Variants in ZNF606 observed in about 807,000 individuals in gnomAD.
ZNF606 encodes the protein zinc finger protein 606.
ZNF606 carries 37 observed loss-of-function variants against 74.9 expected under a neutral mutation model. The ratio of observed to expected loss-of-function variants is 0.49; its 90% CI spans 0.38 to 0.65. ZNF606 has a LOEUF of 0.65. Ranked by LOEUF, ZNF606 falls within the 30% of genes least tolerant of loss-of-function variation. The pLI is 0.00. For synonymous variants in ZNF606, 328 were observed against 312.4 expected (o/e 1.05, Z -0.53); for missense variants, 852 against 952.9 (o/e 0.89, Z 1.39).
intron 4 of ZNF606, chr19:57,999,564 T>C (rs1035522): frequency 0.69 from 354,159 of 514,126 alleles, 122,943 homozygotes; most frequent in Middle Eastern, 0.75. Context: ...AGGGCTGCCC[T>C]TCATGCCCCA....
At chr19:57,992,310 A>G (rs779398551) in intron 4 of ZNF606, among the ~76,000 whole-genome samples, 2 of 152,180 alleles carry the variant, frequency 1.3e-5, no homozygotes, top group Non-Finnish European at 2.9e-5. Flanking sequence ...TGGGACAACC[A>G]GACACCATGT....
At chr19:58,000,812 C>T in intron 2 of ZNF606, 73 bp from the exon 3 acceptor site, 4 of 1,412,418 alleles carry the variant, frequency 2.8e-6, no homozygotes, top group Non-Finnish European at 2.9e-6. Context: ...CAAGAGGAGG[C>T]TGACTCGCTA....
chr19:57,984,953 G>A (rs1368433612), intron 6 of ZNF606, among the ~76,000 whole-genome samples: 1 of 152,134 alleles, frequency 6.6e-6, no homozygotes, highest in Non-Finnish European at 1.5e-5. Context: ...AAATTAGCCA[G>A]GCGTGGTGTC....
intron 4 of ZNF606, 113 bp from the exon 5 acceptor site, chr19:57,988,834 C>T (rs2073206910): frequency 1.3e-6 from 2 of 1,533,406 alleles, no homozygotes; most frequent in Non-Finnish European, 1.8e-6. Flanking sequence ...GAGAAACTCT[C>T]CTGGTTATTC....
Position 57,979,658 on chromosome 19 carries a change from C to G in ZNF606, c.1022G>C (p.Gly341Ala). ...SFNEHPRLHV[G>A]ENQYNYKEYE... ...TTCTTTGTAATTATACTGGTTTTCT[C>G]CAACATGAAGCCTTGGGTGTTCATT... Residue 341 changes from glycine (G) to alanine (A), a missense_variant, in exon 7 of 7, where the codon GGA becomes GCA. Around this residue, in one of 3 missense-constraint regions of ZNF606, gnomAD observed 545 missense variants for 542.5 expected, o/e 1.00. Coordinates refer to ENST00000551380, the MANE Select transcript of ZNF606 (RefSeq NM_001348022.3). 2 of 1,613,654 alleles carry G rather than the reference C, an allele frequency of 1.2e-6. No individual in the cohort carries two copies. The highest frequency in any genetic ancestry group is 2.7e-5 in the African/African-American group (2 of 75,036).
chr19:57,988,184 T>C (rs771820632), intron 6 of ZNF606, 23 bp downstream of exon 6: 4 of 1,598,874 alleles, frequency 2.5e-6, no homozygotes, highest in Non-Finnish European at 2.6e-6. Flanking sequence ...AAGTTCCTTG[T>C]TCAGCCTGGG....
Position 58,000,686 on chromosome 19 carries a change from A to C in ZNF606, c.85T>G (p.Trp29Gly), listed in dbSNP as rs774194580. 4.0e-5 allele frequency: 65 copies of C among 1,613,616 alleles called. No homozygotes were observed. The highest frequency in any genetic ancestry group is 5.3e-5 in the Non-Finnish European group (63 of 1,179,836). Residue 29 changes from tryptophan to glycine, a missense_variant, in exon 3 of 7, where the codon TGG becomes GGG. Trp to Gly is a radical substitution (Grantham distance 184, BLOSUM62 -2). Coordinates refer to ENST00000551380, the MANE Select transcript of ZNF606 (RefSeq NM_001348022.3). ...GMTAVDPWAS[W>G]ALCPQYPAWH... Reference sequence around the variant, plus strand: ...GCTGACCAGGCTCTTGACTCACCCCAGGAGGCCCATGGGTCAACAGCTGTC... The same window carrying C: ...GCTGACCAGGCTCTTGACTCACCCCCGGAGGCCCATGGGTCAACAGCTGTC...
At position 58,002,414 on chromosome 19, in the gene ZNF606, T is replaced by TC. The variant is rs1188599492; in HGVS notation, c.-71dup. Reference sequence around the variant, plus strand: ...GCCTCACCTGGCTCGCGGCCGGCGGTCCCCCTTGAAGGCGGCGCAGCAGGA... The same window carrying TC: ...GCCTCACCTGGCTCGCGGCCGGCGGTCCCCCCTTGAAGGCGGCGCAGCAGGA... On this transcript the variant is annotated 5_prime_UTR_variant, in exon 1 of 7. Coordinates refer to ENST00000551380, the MANE Select transcript of ZNF606 (RefSeq NM_001348022.3). 1 of 456,034 alleles carries TC rather than the reference T, an allele frequency of 2.2e-6. No individual in the cohort carries two copies. Among genetic ancestry groups the TC allele is most frequent in the Non-Finnish European group, 4.4e-6 (1 of 226,762 alleles). The allele number at this position is 456,034 out of a possible 1,614,324, so 28.2% of individuals were successfully genotyped here.
intron 4 of ZNF606, among the ~76,000 whole-genome samples, chr19:57,991,081 T>C (rs537024552): frequency 6.6e-6 from 1 of 152,262 alleles, no homozygotes; most frequent in South Asian, 2.1e-4. Context: ...TCCTGCAAGG[T>C]ACAGTGCACC....
At chr19:57,983,782 C>A (rs898851540) in intron 6 of ZNF606, among the ~76,000 whole-genome samples, 2 of 152,104 alleles carry the variant, frequency 1.3e-5, no homozygotes, top group African/African-American at 2.4e-5. Flanking sequence ...TGAGCAGAGG[C>A]ATGCATGGCG....
rs747583271 is a variant in ZNF606 at position 57,978,269 on chromosome 19, A to C, written c.*32T>G. 3 of 1,525,858 alleles carry C rather than the reference A, an allele frequency of 2.0e-6. No homozygotes were observed. The South Asian group carries it at 4.0e-5, about 20-fold the overall frequency. 94.5% of individuals were successfully genotyped at this position (1,525,858 alleles called of 1,614,324 possible). On this transcript the variant is annotated 3_prime_UTR_variant, in exon 7 of 7. Coordinates refer to ENST00000551380, the MANE Select transcript of ZNF606 (RefSeq NM_001348022.3). This position sits in a 1 kb window ranked among gnomAD's most constrained non-coding sequence, Gnocchi z 4.4. ...ATAGGGTTTTCCTCAATGTGTTGTC[A>C]AATGTACAAGAAACGAAAAACTCGC...
chr19:57,978,897 G>C lies in ZNF606; in HGVS notation c.1783C>G (p.Pro595Ala). 1 of 1,614,112 alleles carries C rather than the reference G, an allele frequency of 6.2e-7. No homozygotes were observed. The highest frequency in any genetic ancestry group is 8.5e-7 in the Non-Finnish European group (1 of 1,180,016). ...TTGCCACATTCCTGACAGTTATATG[G>C]TTTCTCTCCCGTGTGAGTTCTCTGA... is the stretch of plus-strand genomic sequence containing the variant. ...AHQRTHTGEK[P>A]YNCQECGKAF... Residue 595 changes from proline (P) to alanine (A), a missense_variant, in exon 7 of 7, where the codon CCA becomes GCA. This residue lies in a region of ZNF606 where 243 missense variants were observed against 359.2 expected (regional missense o/e 0.68). Coordinates refer to ENST00000551380, the MANE Select transcript of ZNF606 (RefSeq NM_001348022.3). This position sits in a 1 kb window ranked among gnomAD's most constrained non-coding sequence, Gnocchi z 4.4.
rs767105998 is a variant in ZNF606, at chr19:58,002,670, C to A, written c.-326G>T. On this transcript the variant is annotated 5_prime_UTR_variant, in exon 1 of 7. Transcript: ENST00000551380. The stretch of plus-strand genomic sequence containing the variant: ...CGGCAACGACGGCGCAAAGCCGGCG[C>A]GGAAAGGGCAGGCGCAGGACCCACC... The A allele has an allele frequency of 2.4e-5, 11 of 454,072 alleles. No individual in the cohort carries two copies. Among genetic ancestry groups the A allele is most frequent in the South Asian group, 1.7e-4 (11 of 64,468 alleles). The allele number at this position is 454,072 out of a possible 1,614,324, so 28.1% of individuals were successfully genotyped here.
intron 6 of ZNF606, among the ~76,000 whole-genome samples, chr19:57,985,771 CAA>C (rs535640285): frequency 7.1e-6 from 1 of 139,912 alleles, no homozygotes. Context: ...ACTAAAAATA[CAA>C]AAAAAAAAAA....
intron 6 of ZNF606, among the ~76,000 whole-genome samples, chr19:57,982,835 C>A (rs1020315850): frequency 3.3e-5 from 5 of 151,980 alleles, no homozygotes; most frequent in African/African-American, 1.2e-4. Context: ...TTTATAGTGA[C>A]AGGGTCCCGC....
At chr19:57,987,742 C>T (rs896497141) in intron 6 of ZNF606, among the ~76,000 whole-genome samples, 3 of 152,010 alleles carry the variant, frequency 2.0e-5, no homozygotes, top group Non-Finnish European at 4.4e-5. Context: ...GTGGGAGAAT[C>T]GCTTGAACCC....
At position 57,977,516 on chromosome 19, in the gene ZNF606, G is replaced by A. The variant is rs1382290662; in HGVS notation, c.*785C>T. 6.6e-6 allele frequency: 1 copy of A among 152,014 alleles called. No homozygotes were observed. The highest frequency in any genetic ancestry group is 1.5e-5 in the Non-Finnish European group (1 of 67,996). 9.4% of individuals were successfully genotyped at this position (152,014 alleles called of 1,614,324 possible). ...TTCTGTATCCTTTTTATTCCTTCATGTTATGTATACTGATGCAGTGTCCAT... is the reference window on the plus strand; with the variant it reads ...TTCTGTATCCTTTTTATTCCTTCATATTATGTATACTGATGCAGTGTCCAT... On this transcript the variant is annotated 3_prime_UTR_variant, in exon 7 of 7. Coordinates refer to ENST00000551380, the MANE Select transcript of ZNF606 (RefSeq NM_001348022.3).
At chr19:58,002,321 C>A (rs1471816484) in intron 1 of ZNF606, 75 bp downstream of exon 1, 1 of 456,632 alleles carries the variant, frequency 2.2e-6, no homozygotes, top group Non-Finnish European at 4.4e-6. Flanking sequence ...TCACCTGCTT[C>A]CAGAGCTCCC....
chr19:58,002,823 AGC>A (rs1301002449), upstream of ZNF606: 1 of 448,602 alleles, frequency 2.2e-6, no homozygotes, highest in African/African-American at 2.0e-5. Context: ...CGTCGACCGG[AGC>A]GCGCCGCGGG....
Sources: gnomAD v4.1 joint callset for allele counts (sites outside exome capture counted in the v4.1 genomes callset) on GRCh38, gnomAD v4.1.1 for gene constraint, gnomAD v4.1.1 regional missense constraint, Gnocchi (gnomAD v3.1) non-coding constraint, MANE v1.5 for transcripts, NCBI Gene and HGNC (gene_info 2026-07-23, HGNC 2026-07-21) for gene names.